MEGF10: variants seen among roughly 807,000 people sequenced by gnomAD.
The protein encoded by MEGF10 is multiple EGF like domains 10, also known as multiple epidermal growth factor-like domains protein 10.
In MEGF10, 86 loss-of-function variants were observed where a neutral mutation model predicts 147.5. The observed-to-expected ratio is 0.58, with a 90% CI of 0.49 to 0.70. The LOEUF (loss-of-function observed/expected upper bound fraction) is 0.70. Ranked by LOEUF, MEGF10 falls within the 30% of genes least tolerant of loss-of-function variation. The probability of loss-of-function intolerance (pLI) is 0.00; values close to 1 mark genes in which losing one functional copy is unlikely to be tolerated. For missense variants in MEGF10, 1,329 were observed against 1,487.3 expected (o/e 0.89, Z 1.75); for synonymous variants, 478 against 525.5 (o/e 0.91, Z 1.24).
intron 11 of MEGF10, 76 bp from the exon 12 acceptor site, chr5:127,419,968 A>G: frequency 2.0e-6 from 3 of 1,527,376 alleles, no homozygotes; most frequent in Non-Finnish European, 1.8e-6. Flanking sequence ...CTAAAGAGAA[A>G]CGTGGTTTGG....
At chr5:127,444,759 T>C (rs1420568127) in intron 19 of MEGF10, 1 of 152,242 alleles carries the variant, frequency 6.6e-6, no homozygotes, top group African/African-American at 2.4e-5. Flanking sequence ...TCATGGAAAA[T>C]AACTTTGCAC....
chr5:127,432,801 A>G (rs910447790), intron 13 of MEGF10, among the ~76,000 whole-genome samples: 1 of 152,204 alleles, frequency 6.6e-6, no homozygotes, highest in Non-Finnish European at 1.5e-5. Flanking sequence ...TTCTGCCAAT[A>G]TCTCTCCAAT....
At chr5:127,376,668 A>G (rs1402982208) in intron 5 of MEGF10, among the ~76,000 whole-genome samples, 1 of 152,212 alleles carries the variant, frequency 6.6e-6, no homozygotes, top group Non-Finnish European at 1.5e-5. Flanking sequence ...TGATAGTAAT[A>G]GTTCACCTTT....
intron 1 of MEGF10, among the ~76,000 whole-genome samples, chr5:127,303,195 G>A (rs746235681): frequency 1.3e-5 from 2 of 152,054 alleles, no homozygotes; most frequent in African/African-American, 2.4e-5. Context: ...AATTAGCTGG[G>A]CATGGTGATG....
intron 5 of MEGF10, among the ~76,000 whole-genome samples, chr5:127,381,702 G>A (rs1271026856): frequency 6.6e-6 from 1 of 152,126 alleles, no homozygotes. Context: ...CAAGAGTCTC[G>A]CTCTGTCACC....
intron 13 of MEGF10, among the ~76,000 whole-genome samples, chr5:127,423,294 A>G (rs1206334009): frequency 6.6e-6 from 1 of 152,220 alleles, no homozygotes; most frequent in Non-Finnish European, 1.5e-5. Context: ...ATGACTGAGT[A>G]CAAATTCTGT....
At chr5:127,359,051 CTGTTT>C (rs1762377989) in intron 4 of MEGF10, among the ~76,000 whole-genome samples, 1 of 148,724 alleles carries the variant, frequency 6.7e-6, no homozygotes, top group African/African-American at 2.5e-5. Context: ...TCAACACAAG[CTGTTT>C]TGTTTTTTTT....
chr5:127,299,381 T>C (rs1161077998), intron 1 of MEGF10, among the ~76,000 whole-genome samples: 1 of 152,194 alleles, frequency 6.6e-6, no homozygotes, highest in Non-Finnish European at 1.5e-5. Flanking sequence ...AAGTTATTGA[T>C]AAGTTTGGAC....
chr5:127,390,333 A>T (rs915724563), intron 5 of MEGF10, among the ~76,000 whole-genome samples: 1 of 151,824 alleles, frequency 6.6e-6, no homozygotes, highest in Non-Finnish European at 1.5e-5. Context: ...TCTGTCATCC[A>T]GGTTGGAGTT....
intron 4 of MEGF10, among the ~76,000 whole-genome samples, chr5:127,360,317 T>C (rs945796450): frequency 3.3e-5 from 5 of 152,024 alleles, no homozygotes; most frequent in Admixed American, 2.0e-4. Flanking sequence ...ATAATTGAGG[T>C]TTTGCGTAGT....
chr5:127,427,992 C>A lies in MEGF10; in HGVS notation c.1693+5220C>A, dbSNP rs75194744. Among the ~76,000 whole-genome samples, 6 of 152,118 alleles carry A rather than the reference C, an allele frequency of 3.9e-5. No individual in the cohort carries two copies. In the East Asian group the frequency reaches 1.2e-3, roughly 29 times the overall value. Reference sequence around the variant, plus strand: ...GAGGGGATCATATAAAAGCAGAAGGCTGGGCCCCTGCTGTGAGGGTGAAGG... The same window carrying A: ...GAGGGGATCATATAAAAGCAGAAGGATGGGCCCCTGCTGTGAGGGTGAAGG... On this transcript the variant is annotated intron_variant, in intron 13 of 24. Transcript: ENST00000503335.
chr5:127,309,377 C>T (rs562670718), intron 1 of MEGF10, among the ~76,000 whole-genome samples: 1 of 152,250 alleles, frequency 6.6e-6, no homozygotes, highest in East Asian at 1.9e-4. Flanking sequence ...CCATCACCAC[C>T]ATCCATCTCC....
the MEGF10 span, among the ~76,000 whole-genome samples, chr5:127,259,276 A>G: frequency 1.3e-5 from 2 of 152,180 alleles, no homozygotes; most frequent in African/African-American, 2.4e-5. Context: ...ATACACTTCT[A>G]GGGCTATGAT....
At chr5:127,238,340 G>A in the MEGF10 span, among the ~76,000 whole-genome samples, 1 of 152,066 alleles carries the variant, frequency 6.6e-6, no homozygotes. Flanking sequence ...ACAGGTGTGA[G>A]CCACCATGCC....
chr5:127,241,831 G>A, the MEGF10 span, among the ~76,000 whole-genome samples: 1 of 152,082 alleles, frequency 6.6e-6, no homozygotes, highest in Non-Finnish European at 1.5e-5. Flanking sequence ...AAGCAACAGT[G>A]CAAGACAGCA....
intron 18 of MEGF10, among the ~76,000 whole-genome samples, chr5:127,442,654 G>C (rs963392226): frequency 6.6e-6 from 1 of 152,292 alleles, no homozygotes; most frequent in Non-Finnish European, 1.5e-5. Flanking sequence ...AGTTTTGCCT[G>C]GTGGACTTGT....
At chr5:127,372,097 T>C (rs1162522270) in intron 5 of MEGF10, among the ~76,000 whole-genome samples, 1 of 152,218 alleles carries the variant, frequency 6.6e-6, no homozygotes, top group Non-Finnish European at 1.5e-5. Flanking sequence ...TGTCTAGTAA[T>C]ATGCTACTTA....
chr5:127,270,528 GCTAA>G, the MEGF10 span, among the ~76,000 whole-genome samples: 2 of 152,162 alleles, frequency 1.3e-5, no homozygotes, highest in Non-Finnish European at 2.9e-5. Flanking sequence ...AACAAGAAGA[GCTAA>G]CTATCTTAAA....
chr5:127,445,796 A>G, intron 20 of MEGF10, 103 bp downstream of exon 20: 1 of 822,124 alleles, frequency 1.2e-6, no homozygotes, highest in Non-Finnish European at 2.1e-6. Context: ...TGTTTCTGTC[A>G]ATTCTCATTG....
Sources: allele counts gnomAD v4.1 joint callset (sites outside exome capture counted in the v4.1 genomes callset), GRCh38; gene constraint gnomAD v4.1.1; transcripts MANE v1.5; gene names NCBI Gene and HGNC (gene_info 2026-07-23, HGNC 2026-07-21).